Variants in GGACT observed in about 807,000 individuals in gnomAD.
GGACT encodes the protein gamma-glutamylaminecyclotransferase.
For synonymous variants in GGACT, 118 were observed against 115.3 expected, an observed-to-expected ratio of 1.02 and a Z score of -0.15; for missense variants, 241 against 233.2, an observed-to-expected ratio of 1.03 and a Z score of -0.22.
intron 2 of GGACT, among the ~76,000 whole-genome samples, chr13:100,552,647 G>A (rs1331626676): frequency 6.6e-6 from 1 of 152,186 alleles, no homozygotes; most frequent in African/African-American, 2.4e-5. Context: ...AGGAGTGCCT[G>A]CCAGCCACTT....
chr13:100,535,149 C>T (rs2088473883), intron 2 of GGACT, among the ~76,000 whole-genome samples: 1 of 152,252 alleles, frequency 6.6e-6, no homozygotes, highest in African/African-American at 2.4e-5. Context: ...AGTCACACTG[C>T]AGACCAGCTC....
chr13:100,558,947 C>T (rs1002584069), intron 2 of GGACT, among the ~76,000 whole-genome samples: 4 of 152,148 alleles, frequency 2.6e-5, no homozygotes, highest in Middle Eastern at 3.4e-3. Flanking sequence ...GAAACAAAAA[C>T]AAGTAATTGC....
rs143105627 is a variant in GGACT, at chr13:100,585,936, C to T, written c.-183-1939G>A. Among the ~76,000 whole-genome samples the T allele has an allele frequency of 2.8e-3, 413 of 149,222 alleles. 11 individuals carry two copies. In the East Asian group the frequency reaches 0.052, roughly 19 times the overall value. Reference sequence around the variant, plus strand: ...GGAGGATGGCTTGAATCCAGGAGTTCGAGGTTACAGTGAGCCATGATCTCA... The same window carrying T: ...GGAGGATGGCTTGAATCCAGGAGTTTGAGGTTACAGTGAGCCATGATCTCA... On this transcript the variant is annotated intron_variant, in intron 1 of 2. Transcript: ENST00000683975.
intron 2 of GGACT, among the ~76,000 whole-genome samples, chr13:100,555,678 A>C (rs531354877): frequency 5.9e-5 from 9 of 152,342 alleles, no homozygotes; most frequent in African/African-American, 2.2e-4. Flanking sequence ...AAAATAAAAA[A>C]AGAAAAAGAA....
intron 2 of GGACT, among the ~76,000 whole-genome samples, chr13:100,579,685 G>C (rs1055957413): frequency 2.6e-5 from 4 of 152,166 alleles, no homozygotes; most frequent in African/African-American, 9.7e-5. Context: ...ATTTCCATCA[G>C]CTCACACCCT....
chr13:100,553,308 G>A (rs2088682722), intron 2 of GGACT, among the ~76,000 whole-genome samples: 1 of 152,186 alleles, frequency 6.6e-6, no homozygotes, highest in Non-Finnish European at 1.5e-5. Context: ...AAATGTGAAT[G>A]CAGGTTCACC....
intron 2 of GGACT, among the ~76,000 whole-genome samples, chr13:100,540,602 T>G (rs1049612558): frequency 6.6e-6 from 1 of 152,270 alleles, no homozygotes; most frequent in African/African-American, 2.4e-5. Flanking sequence ...TCTCTGTTGT[T>G]TAAAATTCTC....
intron 2 of GGACT, among the ~76,000 whole-genome samples, chr13:100,576,712 A>G (rs1347847688): frequency 6.6e-6 from 1 of 152,218 alleles, no homozygotes; most frequent in African/African-American, 2.4e-5. Flanking sequence ...AAAAGGCACA[A>G]CATACGAAGA....
Position 100,545,937 on chromosome 13 carries a change from C to A in GGACT, c.-10-13336G>T, listed in dbSNP as rs1336532135. Among the ~76,000 whole-genome samples the A allele has an allele frequency of 6.6e-6, 1 of 152,250 alleles. No homozygotes were observed. Among genetic ancestry groups the A allele is most frequent in the Non-Finnish European group, 1.5e-5 (1 of 68,050 alleles). On this transcript the variant is annotated intron_variant, in intron 2 of 2. Transcript: ENST00000683975. The surrounding 1 kb of genome is among the most constrained non-coding windows in gnomAD (Gnocchi z 4.4). ...CGGAAAATGACACAGAAAGCCAGGG[C>A]AACCTGCTGGGCCACCCAGAGTGCC...
chr13:100,532,513 A>G lies in GGACT; in HGVS notation c.79T>C (p.Ser27Pro), dbSNP rs1171783834. 5 of 1,548,300 alleles carry G rather than the reference A, an allele frequency of 3.2e-6. No homozygotes were observed. Among genetic ancestry groups the G allele is most frequent in the Non-Finnish European group, 4.4e-6 (5 of 1,145,892 alleles). Residue 27 changes from serine to proline, a missense_variant, in exon 3 of 3, where the codon TCC becomes CCC. By Grantham distance (74) the Ser-to-Pro change is moderately conservative. Transcript: ENST00000683975. Reference sequence around the variant, plus strand: ...CGGCCGCGCGCCCGAAAGGCTGCGGAGCCGTGGGCGCCGTCCCGCAGGACC... The same window carrying G: ...CGGCCGCGCGCCCGAAAGGCTGCGGGGCCGTGGGCGCCGTCCCGCAGGACC... Reference protein sequence around the residue: ...HRVLRDGAHGSAAFRARGRTL... With the variant: ...HRVLRDGAHGPAAFRARGRTL...
At chr13:100,568,509 C>A (rs770729160) in intron 2 of GGACT, among the ~76,000 whole-genome samples, 2 of 152,182 alleles carry the variant, frequency 1.3e-5, no homozygotes, top group Non-Finnish European at 2.9e-5. Flanking sequence ...ATAGGAGAAA[C>A]CATCCCCCAT....
intron 2 of GGACT, among the ~76,000 whole-genome samples, chr13:100,542,354 C>A (rs1182025237): frequency 6.6e-6 from 1 of 152,128 alleles, no homozygotes; most frequent in Non-Finnish European, 1.5e-5. Flanking sequence ...ACGGTTTGTG[C>A]CCTAGGACGC....
Position 100,532,262 on chromosome 13 carries a change from C to T in GGACT, c.330G>A (p.Ala110=). The change falls in exon 3 of 3, where the codon GCG becomes GCA. Residue 110 remains alanine, a synonymous_variant. Transcript: ENST00000683975. ...DRAPGAEEPP[A]PTAVQCFVYS... ...ACACGAAGCACTGCACCGCGGTGGGCGCTGGCGGCTCCTCTGCGCCCGGGG... is the reference window on the plus strand; with the variant it reads ...ACACGAAGCACTGCACCGCGGTGGGTGCTGGCGGCTCCTCTGCGCCCGGGG... The T allele has an allele frequency of 6.5e-7, 1 of 1,528,394 alleles. No individual in the cohort carries two copies. The highest frequency in any genetic ancestry group is 8.8e-7 in the Non-Finnish European group (1 of 1,132,422). The allele number at this position is 1,528,394 out of a possible 1,614,324, so 94.7% of individuals were successfully genotyped here.
At chr13:100,543,701 A>G (rs2088576420) in intron 2 of GGACT, among the ~76,000 whole-genome samples, 1 of 152,242 alleles carries the variant, frequency 6.6e-6, no homozygotes, top group Admixed American at 6.5e-5. Flanking sequence ...AGACTTTGTT[A>G]GAAAAAAGTA....
chr13:100,580,306 G>C (rs1016736667), intron 2 of GGACT, among the ~76,000 whole-genome samples: 5 of 152,048 alleles, frequency 3.3e-5, no homozygotes, highest in African/African-American at 4.8e-5. Context: ...ATCATCCTGG[G>C]CAATCTACAC....
intron 2 of GGACT, among the ~76,000 whole-genome samples, chr13:100,543,427 C>CA (rs1459084255): frequency 2.6e-5 from 4 of 151,982 alleles, no homozygotes; most frequent in African/African-American, 9.7e-5. Flanking sequence ...AGGCTGGTCT[C>CA]AAACTCTTGA....
In GGACT at chr13:100,530,268, G is replaced by T. The variant is rs1344357721; in HGVS notation, c.*1862C>A. 1.1e-6 allele frequency: 1 copy of T among 941,966 alleles called. No individual in the cohort carries two copies. The highest frequency in any genetic ancestry group is 1.7e-6 in the Non-Finnish European group (1 of 581,188). 58.4% of individuals were successfully genotyped at this position (941,966 alleles called of 1,614,324 possible). ...CATTATACAGGAACACCCCTGTGCA[G>T]CTACGTTTACGTCGTCATTTATTCC... On this transcript the variant is annotated 3_prime_UTR_variant, in exon 3 of 3. Coordinates refer to ENST00000683975, the MANE Select transcript of GGACT (RefSeq NM_001195087.2).
At chr13:100,571,969 T>C (rs1875095361) in intron 2 of GGACT, among the ~76,000 whole-genome samples, 2 of 152,190 alleles carry the variant, frequency 1.3e-5, no homozygotes, top group African/African-American at 2.4e-5. Flanking sequence ...CAAAAAGCCA[T>C]ACACTAGTTA....
intron 2 of GGACT, among the ~76,000 whole-genome samples, chr13:100,550,121 T>C (rs1025217700): frequency 2.0e-5 from 3 of 152,010 alleles, no homozygotes; most frequent in Non-Finnish European, 2.9e-5. Flanking sequence ...ACAGAGTGGG[T>C]CCATCTGCCA....
Sources: gnomAD v4.1 joint callset for allele counts (sites outside exome capture counted in the v4.1 genomes callset) on GRCh38, gnomAD v4.1.1 for gene constraint, Gnocchi (gnomAD v3.1) non-coding constraint, MANE v1.5 for transcripts, NCBI Gene and HGNC (gene_info 2026-07-23, HGNC 2026-07-21) for gene names.